NFIB: variants seen among roughly 807,000 people sequenced by gnomAD.
The protein encoded by NFIB is nuclear factor I B.
In NFIB, 11 loss-of-function variants were observed where a neutral mutation model predicts 61.5. That is an observed-to-expected ratio of 0.18 (90% CI 0.11 to 0.30). The LOEUF is 0.30. NFIB is among the 10% of genes least tolerant of loss of function. The pLI is 1.00. For synonymous variants in NFIB, 260 were observed against 216.5 expected (o/e 1.20, Z -1.76); for missense variants, 471 against 608.9 (o/e 0.77, Z 2.38).
intron 3 of NFIB, among the ~76,000 whole-genome samples, chr9:14,173,865 TTAAG>T (rs2045849730): frequency 6.6e-6 from 1 of 152,196 alleles, no homozygotes; most frequent in Non-Finnish European, 1.5e-5. Flanking sequence ...CTCTTTCACA[TTAAG>T]TATTACAAAT....
chr9:14,289,081 C>CGTGTGTGTGTGTGTGTGTGTGT (rs58218572), intron 2 of NFIB, among the ~76,000 whole-genome samples: 1 of 142,404 alleles, frequency 7.0e-6, no homozygotes, highest in Admixed American at 7.2e-5. Context: ...TTTTCCAAAG[C>CGTGTGTGTGTGTGTGTGTGTGT]GTGTGTGTGT....
upstream of NFIB, among the ~76,000 whole-genome samples, chr9:14,400,803 G>A (rs59937979): frequency 1.2e-4 from 19 of 152,294 alleles, no homozygotes; most frequent in East Asian, 3.7e-3. Context: ...TTGCTAATGG[G>A]ATGTACCCAT....
the NFIB span, among the ~76,000 whole-genome samples, chr9:14,501,174 T>C: frequency 6.6e-6 from 1 of 152,186 alleles, no homozygotes; most frequent in Admixed American, 6.5e-5. Context: ...AGTCCTGTAG[T>C]TTCTGTTCAT....
the NFIB span, among the ~76,000 whole-genome samples, chr9:14,518,212 T>C: frequency 1.3e-5 from 2 of 152,206 alleles, no homozygotes; most frequent in South Asian, 4.1e-4. Flanking sequence ...GATATTTTTC[T>C]ATAGAGGCTA....
chr9:14,173,308 C>T (rs2045782371), intron 3 of NFIB, among the ~76,000 whole-genome samples: 1 of 152,152 alleles, frequency 6.6e-6, no homozygotes, highest in African/African-American at 2.4e-5. Flanking sequence ...AGTTCATGCT[C>T]TTTTCACTCC....
chr9:14,401,286 G>C (rs757870424), upstream of NFIB, among the ~76,000 whole-genome samples: 2 of 152,132 alleles, frequency 1.3e-5, no homozygotes, highest in Non-Finnish European at 2.9e-5. Context: ...TTCAACTTTT[G>C]TCAATCTCTC....
intron 1 of NFIB, among the ~76,000 whole-genome samples, chr9:14,351,432 T>C (rs1005550547): frequency 6.6e-6 from 1 of 152,206 alleles, no homozygotes; most frequent in African/African-American, 2.4e-5. Flanking sequence ...CAGGGATGCC[T>C]GGACCTTGAA....
intron 6 of NFIB, among the ~76,000 whole-genome samples, chr9:14,144,848 T>A (rs1016929060): frequency 6.6e-6 from 1 of 152,128 alleles, no homozygotes; most frequent in African/African-American, 2.4e-5. Context: ...TCATAACTTA[T>A]AGGAAGGTCC....
intron 1 of NFIB, among the ~76,000 whole-genome samples, chr9:14,379,305 A>T (rs1441081872): frequency 6.6e-6 from 1 of 152,224 alleles, no homozygotes; most frequent in Admixed American, 6.5e-5. Context: ...GAGTGGAAAG[A>T]CAGAGCTATT....
At chr9:14,327,929 GAAGAA>G (rs1471040871) in intron 1 of NFIB, among the ~76,000 whole-genome samples, 1 of 152,202 alleles carries the variant, frequency 6.6e-6, no homozygotes, top group Non-Finnish European at 1.5e-5. Context: ...TTTGTAAACA[GAAGAA>G]GAGAGAAGGG....
At chr9:14,441,203 T>C in the NFIB span, among the ~76,000 whole-genome samples, 1 of 146,206 alleles carries the variant, frequency 6.8e-6, no homozygotes. Context: ...CCTAATTGAA[T>C]GTAGGATAAA....
In NFIB at chr9:14,307,452, G is replaced by A; in HGVS notation, c.99C>T (p.Asn33=). ...AGTACTTGCGTTTTCGAGCCTGCAG[G>A]TTGAACCAAGTATAGGCAATTGCAC... The part of the protein sequence containing the change: ...HVRAIAYTWF[N]LQARKRKYFK... Residue 33 remains asparagine (N), a synonymous_variant, in exon 2 of 11, where the codon AAC becomes AAT. Coordinates refer to ENST00000380953, the MANE Select transcript of NFIB (RefSeq NM_001190737.2). The surrounding 1 kb of genome is among the most constrained non-coding windows in gnomAD (Gnocchi z 5.3). The A allele has an allele frequency of 1.2e-6, 2 of 1,613,906 alleles. No homozygotes were observed. The highest frequency in any genetic ancestry group is 1.7e-4 in the Middle Eastern group (1 of 6,060).
chr9:14,363,767 T>C (rs1383238201), intron 1 of NFIB, among the ~76,000 whole-genome samples: 1 of 152,114 alleles, frequency 6.6e-6, no homozygotes, highest in African/African-American at 2.4e-5. Context: ...ATATTAACTT[T>C]TCACTTATTT....
At chr9:14,183,158 G>T (rs1445996211) in intron 2 of NFIB, among the ~76,000 whole-genome samples, 1 of 152,084 alleles carries the variant, frequency 6.6e-6, no homozygotes, top group Non-Finnish European at 1.5e-5. Context: ...AATGACTGGT[G>T]GGATGACTAA....
chr9:14,134,921 G>GAAAAAAAT lies in NFIB; in HGVS notation c.926-9156_926-9155insATTTTTTT, dbSNP rs1586927724. On this transcript the variant is annotated intron_variant, in intron 6 of 10. Transcript: ENST00000380953. The stretch of plus-strand genomic sequence containing the variant: ...TCAAAAAAAAAAAAAAAAAAAAAAA[G>GAAAAAAAT]GAAATTGAAGGATATGGTAAAATGC... 8.4e-5 allele frequency among the ~76,000 whole-genome samples: 9 copies of GAAAAAAAT among 106,970 alleles called. No individual in the cohort carries two copies. The East Asian group carries it at 2.2e-3, about 26-fold the overall frequency. 70.2% of individuals were successfully genotyped at this position (106,970 alleles called of 152,430 possible). A position where few individuals can be genotyped will look rare whatever the true frequency, so the allele number is the denominator to read the frequency against.
intron 2 of NFIB, among the ~76,000 whole-genome samples, chr9:14,231,603 C>G (rs961184469): frequency 2.0e-5 from 3 of 152,040 alleles, no homozygotes; most frequent in African/African-American, 7.2e-5. Context: ...CCTAACAGTT[C>G]GTTCTTTTTG....
rs749679358 is a variant in NFIB at position 14,179,740 on chromosome 9, G to C, written c.603C>G (p.Ala201=). The C allele has an allele frequency of 2.5e-6, 4 of 1,613,392 alleles. No individual in the cohort carries two copies. In the African/African-American group the frequency reaches 4.0e-5, roughly 16 times the overall value. ...QSGSPSHNDP[A]KNPPGYLEDS... ...ACACATATTTACCTGGAGGATTCTT[G>C]GCAGGATCATTGTGGCTTGGACTTC... The change falls in exon 3 of 11, where the codon GCC becomes GCG. Residue 201 remains alanine, a synonymous_variant. Coordinates refer to ENST00000380953, the MANE Select transcript of NFIB (RefSeq NM_001190737.2).
In NFIB at chr9:14,313,996, G is replaced by GGGGGGGGGGA; in HGVS notation, c.-486_-485insTCCCCCCCCC. On this transcript the variant is annotated 5_prime_UTR_variant, in exon 1 of 11. Transcript: ENST00000380953. This position sits in a 1 kb window ranked among gnomAD's most constrained non-coding sequence, Gnocchi z 4.5. ...GGAGGGCGAGCGGGCGGGCGGGAGG[G>GGGGGGGGGGA]AGAGCGGGGAGAATGTGTCACCGCG... 6.3e-6 allele frequency: 1 copy of GGGGGGGGGGA among 159,174 alleles called. No homozygotes were observed. The highest frequency in any genetic ancestry group is 2.5e-4 in the East Asian group (1 of 4,042). The allele number at this position is 159,174 out of a possible 1,614,324, so 9.9% of individuals were successfully genotyped here.
chr9:14,311,359 T>A lies in NFIB; in HGVS notation c.30+2123A>T, dbSNP rs779646892. 8.8e-4 allele frequency among the ~76,000 whole-genome samples: 134 copies of A among 152,176 alleles called. 3 individuals carry two copies. Among genetic ancestry groups the A allele is most frequent in the Middle Eastern group, 3.2e-3 (1 of 316 alleles). ...GGCTCTTGTGATACAAAACTACTGA[T>A]CTGATACAAAAGTGACACTATTAAT... On this transcript the variant is annotated intron_variant, in intron 1 of 10. Transcript: ENST00000380953.
Sources: allele counts gnomAD v4.1 joint callset (sites outside exome capture counted in the v4.1 genomes callset), GRCh38; gene constraint gnomAD v4.1.1; non-coding constraint Gnocchi (gnomAD v3.1); transcripts MANE v1.5; gene names NCBI Gene and HGNC (gene_info 2026-07-23, HGNC 2026-07-21).